RBFOX3: variants seen among roughly 807,000 people sequenced by gnomAD.
RBFOX3 encodes the protein RNA binding protein fox-1 homolog 3.
Under a neutral mutation model 48.7 loss-of-function variants are expected in RBFOX3, and 17 were observed. That is an observed-to-expected ratio of 0.35 (90% confidence interval 0.24 to 0.52). RBFOX3 has a LOEUF of 0.52. RBFOX3 is among the 20% of genes least tolerant of loss of function. The pLI is 0.94. For missense variants in RBFOX3, 382 were observed against 497.5 expected (o/e 0.77, Z 2.21); for synonymous variants, 212 against 209.5 (o/e 1.01, Z -0.10).
intron 4 of RBFOX3, among the ~76,000 whole-genome samples, chr17:79,123,237 A>G (rs1315706439): frequency 6.6e-6 from 1 of 152,246 alleles, no homozygotes; most frequent in Non-Finnish European, 1.5e-5. Flanking sequence ...AACAGAAAGG[A>G]TAAATGCTTG....
intron 1 of RBFOX3, among the ~76,000 whole-genome samples, chr17:79,547,355 C>T (rs530300443): frequency 1.1e-4 from 16 of 152,106 alleles, no homozygotes; most frequent in South Asian, 6.2e-4. Flanking sequence ...CTCGGGAGGC[C>T]GAGGCAGGAG....
chr17:79,096,620 T>TTCCCCCC, intron 12 of RBFOX3, 33 bp downstream of exon 12: 3 of 1,502,340 alleles, frequency 2.0e-6, no homozygotes, highest in South Asian at 1.2e-5. Flanking sequence ...GAACGCCTGA[T>TTCCCCCC]CCCACCCTCC....
intron 4 of RBFOX3, among the ~76,000 whole-genome samples, chr17:79,150,912 C>T (rs761835016): frequency 1.8e-4 from 28 of 152,312 alleles, no homozygotes; most frequent in Middle Eastern, 3.4e-3. Flanking sequence ...GCGCCGCCTG[C>T]GAGGGAGCCT....
intron 2 of RBFOX3, among the ~76,000 whole-genome samples, chr17:79,393,611 TACATCGGAGCCGGTCATCAATGC>T (rs1411334244): frequency 6.6e-6 from 1 of 151,688 alleles, no homozygotes; most frequent in Non-Finnish European, 1.5e-5. Context: ...AGTCATCACA[TACATCGGAGCCGGTCATCAATGC>T]ACATCTGAGC....
intron 2 of RBFOX3, among the ~76,000 whole-genome samples, chr17:79,400,425 G>A (rs2062646317): frequency 6.6e-6 from 1 of 152,212 alleles, no homozygotes; most frequent in Non-Finnish European, 1.5e-5. Flanking sequence ...CTTCCTACAA[G>A]GACACTGGTC....
At chr17:79,523,046 C>T (rs956915074) in intron 1 of RBFOX3, among the ~76,000 whole-genome samples, 4 of 151,324 alleles carry the variant, frequency 2.6e-5, no homozygotes, top group East Asian at 1.9e-4. Context: ...GGACAAATCC[C>T]GTAGATTCCA....
intron 3 of RBFOX3, among the ~76,000 whole-genome samples, chr17:79,262,244 G>C (rs2065909849): frequency 6.6e-6 from 1 of 152,164 alleles, no homozygotes. Context: ...CTCCATGGAG[G>C]CTCCCACAAG....
chr17:79,301,202 A>G (rs1378585744), intron 3 of RBFOX3, among the ~76,000 whole-genome samples: 2 of 152,148 alleles, frequency 1.3e-5, no homozygotes, highest in Admixed American at 6.5e-5. Flanking sequence ...AATGTATGGG[A>G]CTTTCTGGGT....
chr17:79,507,423 G>A (rs370854714), intron 1 of RBFOX3, among the ~76,000 whole-genome samples: 42,827 of 152,092 alleles, frequency 0.28, 7,247 homozygotes, highest in Non-Finnish European at 0.37. Flanking sequence ...CCACAATGGG[G>A]CTCCTGCTTG....
intron 1 of RBFOX3, among the ~76,000 whole-genome samples, chr17:79,604,238 G>A (rs1225945175): frequency 6.6e-6 from 1 of 152,242 alleles, no homozygotes; most frequent in Non-Finnish European, 1.5e-5. Context: ...CCTCCAGGGT[G>A]AAGGGCAGGT....
At chr17:79,387,195 C>T (rs939483636) in intron 2 of RBFOX3, among the ~76,000 whole-genome samples, 1 of 152,200 alleles carries the variant, frequency 6.6e-6, no homozygotes, top group Non-Finnish European at 1.5e-5. Flanking sequence ...CATGCTTACA[C>T]ACAGCATTTC....
chr17:79,229,809 A>C (rs1270387919), intron 4 of RBFOX3, among the ~76,000 whole-genome samples: 1 of 152,144 alleles, frequency 6.6e-6, no homozygotes, highest in Non-Finnish European at 1.5e-5. Flanking sequence ...GGCCACTTCC[A>C]ACGTGGGCCT....
intron 14 of RBFOX3, among the ~76,000 whole-genome samples, chr17:79,093,796 C>CAT (rs1555681694): frequency 9.8e-6 from 1 of 102,180 alleles, no homozygotes; most frequent in Non-Finnish European, 1.9e-5. Flanking sequence ...GCTGGCCACA[C>CAT]ACACACACAC....
intron 2 of RBFOX3, among the ~76,000 whole-genome samples, chr17:79,464,008 G>A (rs1206455981): frequency 2.6e-5 from 4 of 152,062 alleles, no homozygotes; most frequent in Non-Finnish European, 4.4e-5. Flanking sequence ...GGTAGCAGCC[G>A]TGACAGCTTT....
At chr17:79,611,183 T>TTCTCTCTCTCTCTCTC (rs1196349028), upstream of RBFOX3, among the ~76,000 whole-genome samples, 259 of 41,514 alleles carry the variant, frequency 6.2e-3, 59 homozygotes, top group African/African-American at 0.051. Flanking sequence ...TCCGCCCTCC[T>TTCTCTCTCTCTCTCTC]TCTCTCTCTC....
chr17:79,211,544 TA>T (rs1203819012), intron 4 of RBFOX3, among the ~76,000 whole-genome samples: 7 of 152,176 alleles, frequency 4.6e-5, no homozygotes, highest in African/African-American at 1.4e-4. Context: ...TTAACAGGGA[TA>T]GGGGCCGTGT....
At chr17:79,656,172 G>A in the RBFOX3 span, among the ~76,000 whole-genome samples, 2 of 152,218 alleles carry the variant, frequency 1.3e-5, no homozygotes, top group East Asian at 1.9e-4. Flanking sequence ...CCCAGGGGCC[G>A]GCCAACTTGC....
intron 2 of RBFOX3, among the ~76,000 whole-genome samples, chr17:79,463,493 G>A (rs1555750973): frequency 2.1e-5 from 1 of 48,224 alleles, no homozygotes; most frequent in African/African-American, 6.5e-5. Context: ...CATCGCCACT[G>A]CCACTGCCAT....
the RBFOX3 span, among the ~76,000 whole-genome samples, chr17:79,639,469 C>G: frequency 6.6e-6 from 1 of 152,146 alleles, no homozygotes; most frequent in Non-Finnish European, 1.5e-5. Flanking sequence ...AGCCACCGCA[C>G]CCAGCCCCAA....
Sources: allele counts gnomAD v4.1 joint callset (sites outside exome capture counted in the v4.1 genomes callset), GRCh38; gene constraint gnomAD v4.1.1; transcripts MANE v1.5; gene names NCBI Gene and HGNC (gene_info 2026-07-23, HGNC 2026-07-21).